The following DNAAF9 variants were observed in gnomAD, a reference collection of about 807,000 sequenced individuals.
The protein encoded by DNAAF9 is shulin.
In DNAAF9, 90 loss-of-function variants were observed where a neutral mutation model predicts 167.0. The ratio of observed to expected loss-of-function variants is 0.54; its 90% CI spans 0.45 to 0.64. The LOEUF (loss-of-function observed/expected upper bound fraction) is 0.64. Ranked by LOEUF, DNAAF9 falls within the 30% of genes least tolerant of loss-of-function variation. The pLI, the probability that DNAAF9 is intolerant of heterozygous loss-of-function variation, is 0.00. For missense variants in DNAAF9, 1,315 were observed against 1,442.2 expected (o/e 0.91, Z 1.43); for synonymous variants, 491 against 508.8 (o/e 0.96, Z 0.47).
At chr20:3,330,218 T>C (rs1811656295) in intron 12 of DNAAF9, among the ~76,000 whole-genome samples, 1 of 152,110 alleles carries the variant, frequency 6.6e-6, no homozygotes, top group Non-Finnish European at 1.5e-5. Context: ...AACAACACAG[T>C]AATGTTCATG....
chr20:3,340,750 C>A, intron 9 of DNAAF9, 111 bp from the exon 10 acceptor site: 1 of 961,278 alleles, frequency 1.0e-6, no homozygotes, highest in Non-Finnish European at 1.6e-6. Context: ...GCGGCCTGAG[C>A]AAAGTGGTCA....
chr20:3,251,090 C>G lies in DNAAF9; in HGVS notation c.*1482G>C, dbSNP rs1007672295. Reference sequence around the variant, plus strand: ...GTCTTTTCAGAAGCCCTTCTTGATGCAAAATTTCTTATCAATGGTATCTGG... The same window carrying G: ...GTCTTTTCAGAAGCCCTTCTTGATGGAAAATTTCTTATCAATGGTATCTGG... On this transcript the variant is annotated 3_prime_UTR_variant, in exon 37 of 37. Transcript: ENST00000252032. 9.2e-5 allele frequency: 14 copies of G among 151,460 alleles called. No homozygotes were observed. Among genetic ancestry groups the G allele is most frequent in the African/African-American group, 3.4e-4 (14 of 41,200 alleles). The allele number at this position is 151,460 out of a possible 1,614,324, so 9.4% of individuals were successfully genotyped here.
In DNAAF9 at chr20:3,270,581, A is replaced by G. The variant is rs773861729; in HGVS notation, c.2651-19T>C. 2 of 1,611,178 alleles carry G rather than the reference A, an allele frequency of 1.2e-6. No individual in the cohort carries two copies. Among genetic ancestry groups the G allele is most frequent in the African/African-American group, 1.3e-5 (1 of 74,828 alleles). ...ACCAGGCCTGGGAATAAAACCAAGGACAGTTTAGCCTTCACAGTCCTGGTT... is the reference window on the plus strand; with the variant it reads ...ACCAGGCCTGGGAATAAAACCAAGGGCAGTTTAGCCTTCACAGTCCTGGTT... On this transcript the variant is annotated intron_variant, in intron 29 of 36. Transcript: ENST00000252032.
chr20:3,283,189 A>G (rs966204617), intron 27 of DNAAF9, among the ~76,000 whole-genome samples: 11 of 152,220 alleles, frequency 7.2e-5, no homozygotes, highest in African/African-American at 2.7e-4. Flanking sequence ...TCCTATGGAA[A>G]TAAGTCAAAC....
chr20:3,362,437 C>A (rs369202040), intron 6 of DNAAF9: 2 of 417,750 alleles, frequency 4.8e-6, no homozygotes, highest in Middle Eastern at 6.2e-4. Flanking sequence ...AATTTGCTTT[C>A]TTATTATTAT....
At chr20:3,253,433 C>T (rs867093240) in intron 36 of DNAAF9, among the ~76,000 whole-genome samples, 3 of 152,118 alleles carry the variant, frequency 2.0e-5, no homozygotes, top group South Asian at 2.1e-4. Flanking sequence ...AAGAGTGAAA[C>T]TCCATCTCCA....
chr20:3,401,983 A>G (rs777052966), intron 1 of DNAAF9, among the ~76,000 whole-genome samples: 4 of 152,228 alleles, frequency 2.6e-5, no homozygotes, highest in Non-Finnish European at 4.4e-5. Context: ...CACATCCTCC[A>G]GTAGCTTCTT....
chr20:3,256,910 T>C (rs986800281), intron 33 of DNAAF9, among the ~76,000 whole-genome samples: 1 of 152,146 alleles, frequency 6.6e-6, no homozygotes, highest in Non-Finnish European at 1.5e-5. Context: ...TATGTTCCTG[T>C]AGTCCCAGTT....
At chr20:3,304,958 C>T (rs548281429) in intron 20 of DNAAF9, among the ~76,000 whole-genome samples, 3 of 152,126 alleles carry the variant, frequency 2.0e-5, no homozygotes, top group Non-Finnish European at 2.9e-5. Flanking sequence ...ACTTAGGGCC[C>T]GAGAAGGAGC....
At chr20:3,336,619 G>A (rs1169011394) in intron 10 of DNAAF9, among the ~76,000 whole-genome samples, 1 of 152,022 alleles carries the variant, frequency 6.6e-6, no homozygotes, top group Non-Finnish European at 1.5e-5. Flanking sequence ...GTGCAACCTT[G>A]GCTCACTGCA....
chr20:3,351,417 G>A (rs1425223687), intron 7 of DNAAF9, among the ~76,000 whole-genome samples: 1 of 152,050 alleles, frequency 6.6e-6, no homozygotes, highest in Admixed American at 6.5e-5. Flanking sequence ...CTAGGAGGTG[G>A]AGGCTGGAGT....
chr20:3,314,155 C>T (rs914865178), intron 20 of DNAAF9, among the ~76,000 whole-genome samples: 22 of 152,158 alleles, frequency 1.4e-4, no homozygotes, highest in Non-Finnish European at 2.4e-4. Context: ...AGACAGATTA[C>T]ACTCCCAAGC....
At chr20:3,339,291 G>C (rs2070031453) in intron 10 of DNAAF9, among the ~76,000 whole-genome samples, 1 of 152,172 alleles carries the variant, frequency 6.6e-6, no homozygotes, top group African/African-American at 2.4e-5. Context: ...GTCTGGTTCT[G>C]ATAGTCGCAC....
Position 3,298,022 on chromosome 20 carries a change from A to G in DNAAF9, c.1929+7T>C, listed in dbSNP as rs1437384764. 1 of 1,609,226 alleles carries G rather than the reference A, an allele frequency of 6.2e-7. No homozygotes were observed. Among genetic ancestry groups the G allele is most frequent in the Admixed American group, 1.7e-5 (1 of 59,946 alleles). ...TAGTAGTTTTGCTGAATAATGACTG[A>G]TATTACCTCTGAGTAAAATGCTTGG... On this transcript the variant is annotated splice_region_variant and intron_variant, in intron 22 of 36. Coordinates refer to ENST00000252032, the MANE Select transcript of DNAAF9 (RefSeq NM_001009984.3).
At chr20:3,407,262 G>A (rs563431893) in intron 1 of DNAAF9, among the ~76,000 whole-genome samples, 1 of 152,298 alleles carries the variant, frequency 6.6e-6, no homozygotes, top group African/African-American at 2.4e-5. Flanking sequence ...GAGCCATTGT[G>A]GGGAAACCGT....
chr20:3,326,294 CA>C lies in DNAAF9; in HGVS notation c.1101-11del. The C allele has an allele frequency of 1.9e-6, 3 of 1,585,008 alleles. No homozygotes were observed. Among genetic ancestry groups the C allele is most frequent in the Non-Finnish European group, 2.6e-6 (3 of 1,156,476 alleles). On this transcript the variant is annotated splice_polypyrimidine_tract_variant and intron_variant, in intron 12 of 36. Transcript: ENST00000252032. ...CTGGGACAATAGCCTACTTTAAAAA[CA>C]AAAAATAATGGTTAACATTACAGCA...
Position 3,249,898 on chromosome 20 carries a change from G to C in DNAAF9, c.*2674C>G, listed in dbSNP as rs1568554922. Reference sequence around the variant, plus strand: ...TAGCCCCCAGGGCTCAGAGGGGCCGGCTCAACTCCTTGCCAACGGCCCTTC... The same window carrying C: ...TAGCCCCCAGGGCTCAGAGGGGCCGCCTCAACTCCTTGCCAACGGCCCTTC... On this transcript the variant is annotated 3_prime_UTR_variant, in exon 37 of 37. Transcript: ENST00000252032. 2.0e-5 allele frequency: 3 copies of C among 152,110 alleles called. No homozygotes were observed. The highest frequency in any genetic ancestry group is 2.1e-4 in the South Asian group (1 of 4,828). 9.4% of individuals were successfully genotyped at this position (152,110 alleles called of 1,614,324 possible).
At chr20:3,364,695 A>G (rs1181877497) in intron 6 of DNAAF9, among the ~76,000 whole-genome samples, 2 of 152,252 alleles carry the variant, frequency 1.3e-5, no homozygotes, top group South Asian at 2.1e-4. Context: ...ATCTAAAAAA[A>G]TCAAATGTAC....
At chr20:3,357,170 A>T (rs1287900372) in intron 7 of DNAAF9, among the ~76,000 whole-genome samples, 1 of 152,016 alleles carries the variant, frequency 6.6e-6, no homozygotes, top group Non-Finnish European at 1.5e-5. Flanking sequence ...TAGTGTTTTC[A>T]TTACTTAAAT....
Sources: allele counts gnomAD v4.1 joint callset (sites outside exome capture counted in the v4.1 genomes callset), GRCh38; gene constraint gnomAD v4.1.1; transcripts MANE v1.5; gene names NCBI Gene and HGNC (gene_info 2026-07-23, HGNC 2026-07-21).